Variants in GRIN2A observed in about 807,000 individuals in gnomAD.
The protein encoded by GRIN2A is glutamate ionotropic receptor NMDA type subunit 2A.
A neutral mutation model predicts 113.4 loss-of-function variants in GRIN2A; 22 were observed. That is an observed-to-expected ratio of 0.19 (90% CI 0.14 to 0.28). The LOEUF (loss-of-function observed/expected upper bound fraction) is 0.28. Ranked by LOEUF, GRIN2A falls within the 10% of genes least tolerant of loss-of-function variation. The pLI, the probability that GRIN2A is intolerant of heterozygous loss-of-function variation, is 1.00. For synonymous variants in GRIN2A, 827 were observed against 738.4 expected (o/e 1.12, Z -1.94); for missense variants, 1,502 against 1,887.0 (o/e 0.80, Z 3.78).
At chr16:9,812,062 G>C (rs1002243609) in intron 10 of GRIN2A, among the ~76,000 whole-genome samples, 8 of 152,168 alleles carry the variant, frequency 5.3e-5, no homozygotes, top group South Asian at 4.1e-4. Flanking sequence ...TTTGCATAAT[G>C]GTGGGCCATT....
intron 2 of GRIN2A, among the ~76,000 whole-genome samples, chr16:10,107,242 C>T (rs1217193650): frequency 6.6e-6 from 1 of 152,174 alleles, no homozygotes; most frequent in East Asian, 1.9e-4. Context: ...CCCCTGTGTC[C>T]ATGCCATTTC....
chr16:9,810,697 C>T (rs2042070055), intron 10 of GRIN2A, among the ~76,000 whole-genome samples: 1 of 152,158 alleles, frequency 6.6e-6, no homozygotes, highest in Non-Finnish European at 1.5e-5. Flanking sequence ...GGGAGCAAGG[C>T]CCTGCTAACA....
intron 2 of GRIN2A, among the ~76,000 whole-genome samples, chr16:10,021,718 G>T (rs1294922795): frequency 6.6e-6 from 1 of 151,998 alleles, no homozygotes; most frequent in Non-Finnish European, 1.5e-5. Flanking sequence ...ATGCCCCAAA[G>T]CAGGGGAGAC....
chr16:9,937,883 T>A (rs1227863388), intron 3 of GRIN2A, 76 bp downstream of exon 3: 4 of 1,012,178 alleles, frequency 4.0e-6, no homozygotes, highest in Admixed American at 3.7e-5. Flanking sequence ...TTTCCAACAA[T>A]GAGTATGTAA....
chr16:10,099,503 T>G (rs570942566), intron 2 of GRIN2A, among the ~76,000 whole-genome samples: 1 of 152,200 alleles, frequency 6.6e-6, no homozygotes, highest in African/African-American at 2.4e-5. Context: ...AGCTAACTAG[T>G]GTTCCCCTGG....
chr16:10,131,515 A>T (rs1281295833), intron 2 of GRIN2A, among the ~76,000 whole-genome samples: 1 of 151,332 alleles, frequency 6.6e-6, no homozygotes, highest in African/African-American at 2.4e-5. Flanking sequence ...TAAATAAGAG[A>T]GGGACAGAGA....
At chr16:9,860,197 T>C (rs895587936) in intron 4 of GRIN2A, among the ~76,000 whole-genome samples, 1 of 151,818 alleles carries the variant, frequency 6.6e-6, no homozygotes, top group South Asian at 2.1e-4. Context: ...GGCTCGCGCC[T>C]GTAATCCCAG....
intron 4 of GRIN2A, among the ~76,000 whole-genome samples, chr16:9,850,644 G>A (rs2042867206): frequency 6.6e-6 from 1 of 152,034 alleles, no homozygotes; most frequent in South Asian, 2.1e-4. Flanking sequence ...GGAGCAGGTG[G>A]GGAAATTAAA....
intron 2 of GRIN2A, among the ~76,000 whole-genome samples, chr16:10,156,716 A>T (rs2049704309): frequency 6.6e-6 from 1 of 152,234 alleles, no homozygotes; most frequent in African/African-American, 2.4e-5. Context: ...TAAAACTTAA[A>T]GGACTTAAAG....
intron 2 of GRIN2A, among the ~76,000 whole-genome samples, chr16:10,020,499 G>C (rs553048727): frequency 8.5e-5 from 13 of 152,266 alleles, no homozygotes; most frequent in African/African-American, 3.1e-4. Context: ...ATTTCAATAC[G>C]AGGTGGGAGT....
chr16:9,775,726 A>G (rs1415859644), intron 11 of GRIN2A, among the ~76,000 whole-genome samples: 1 of 152,248 alleles, frequency 6.6e-6, no homozygotes. Context: ...CAAGGCCGTC[A>G]GATGTACATC....
intron 3 of GRIN2A, among the ~76,000 whole-genome samples, chr16:9,932,734 T>G (rs2044624572): frequency 6.6e-6 from 1 of 152,172 alleles, no homozygotes; most frequent in Non-Finnish European, 1.5e-5. Context: ...ATTTACAGAC[T>G]GCTTTTCCAT....
intron 2 of GRIN2A, among the ~76,000 whole-genome samples, chr16:9,969,516 T>C (rs1596373557): frequency 6.6e-6 from 1 of 152,188 alleles, no homozygotes; most frequent in East Asian, 1.9e-4. Context: ...CACTGGGCTT[T>C]GATATTTAAA....
chr16:10,020,595 T>C (rs953676405), intron 2 of GRIN2A, among the ~76,000 whole-genome samples: 1 of 152,122 alleles, frequency 6.6e-6, no homozygotes, highest in Non-Finnish European at 1.5e-5. Flanking sequence ...AAGGAGAACA[T>C]GAACTCTGGA....
intron 9 of GRIN2A, among the ~76,000 whole-genome samples, chr16:9,827,445 C>G (rs77193069): frequency 0.016 from 2,364 of 152,318 alleles, 25 homozygotes; most frequent in Non-Finnish European, 0.025. Context: ...GGGGAGAAAT[C>G]AAGGGTCTGA....
intron 4 of GRIN2A, among the ~76,000 whole-genome samples, chr16:9,880,919 G>C (rs1256994212): frequency 1.3e-5 from 2 of 152,184 alleles, no homozygotes; most frequent in Admixed American, 6.5e-5. Flanking sequence ...CTCTCCTGCA[G>C]TTACGAGCAT....
intron 3 of GRIN2A, among the ~76,000 whole-genome samples, chr16:9,904,795 A>T (rs1567167331): frequency 6.6e-6 from 1 of 152,182 alleles, no homozygotes; most frequent in Non-Finnish European, 1.5e-5. Context: ...TTAGGGTTTC[A>T]ACATAAACTT....
chr16:9,824,745 ATTCT>A (rs1319750482), intron 9 of GRIN2A, among the ~76,000 whole-genome samples: 1 of 152,090 alleles, frequency 6.6e-6, no homozygotes, highest in Non-Finnish European at 1.5e-5. Context: ...CACAGCACTC[ATTCT>A]TTCTATCTGT....
At position 9,762,767 on chromosome 16, in the gene GRIN2A, A is replaced by G; in HGVS notation, c.*382T>C. On this transcript the variant is annotated 3_prime_UTR_variant, in exon 13 of 13. Coordinates refer to ENST00000330684, the MANE Select transcript of GRIN2A (RefSeq NM_001134407.3). ...TTAGAGAAACCATTAGGCATTTCTG[A>G]TGAGAAAATTACATGGTGGGCTGAC... 1 of 393,394 alleles carries G rather than the reference A, an allele frequency of 2.5e-6. No individual in the cohort carries two copies. Among genetic ancestry groups the G allele is most frequent in the Non-Finnish European group, 4.7e-6 (1 of 214,496 alleles). 24.4% of individuals were successfully genotyped at this position (393,394 alleles called of 1,614,324 possible).
Sources: allele counts gnomAD v4.1 joint callset (sites outside exome capture counted in the v4.1 genomes callset), GRCh38; gene constraint gnomAD v4.1.1; transcripts MANE v1.5; gene names NCBI Gene and HGNC (gene_info 2026-07-23, HGNC 2026-07-21).